RYR2: variants seen among roughly 807,000 people sequenced by gnomAD.
RYR2 encodes the protein ryanodine receptor 2, also known as cardiac muscle ryanodine receptor-calcium release channel.
In RYR2, 227 loss-of-function variants were observed where a neutral mutation model predicts 601.1. The observed-to-expected ratio is 0.38, with a 90% CI of 0.34 to 0.42. The LOEUF (loss-of-function observed/expected upper bound fraction) is 0.42, where lower values mean the gene tolerates loss of function less well. RYR2 is among the 10% of genes least tolerant of loss of function. The pLI is 1.00. For synonymous variants in RYR2, 2,223 were observed against 2,175.1 expected (o/e 1.02, Z -0.61); for missense variants, 4,646 against 6,156.5 (o/e 0.75, Z 8.21).
Position 237,623,828 on chromosome 1 carries a change from G to T in RYR2, c.5980G>T (p.Asp1994Tyr), listed in dbSNP as rs1679358579. 6.2e-7 allele frequency: 1 copy of T among 1,613,280 alleles called. No individual in the cohort carries two copies. Among genetic ancestry groups the T allele is most frequent in the Non-Finnish European group, 8.5e-7 (1 of 1,179,362 alleles). Residue 1994 changes from aspartate to tyrosine, a missense_variant, in exon 39 of 105, where the codon GAC (aspartate) becomes TAC (tyrosine). Asp to Tyr is a radical substitution (Grantham distance 160). Around this residue, in one of 17 missense-constraint regions of RYR2, gnomAD observed 170 missense variants for 184.5 expected, o/e 0.92. Coordinates refer to ENST00000366574, the MANE Select transcript of RYR2 (RefSeq NM_001035.3). The part of the protein sequence containing the change: ...SECPCPEEIR[D>Y]QLLDFHEDLM... ...ATGTCCATGTCCAGAAGAAATTCGT[G>T]ACCAACTATTGGATTTCCATGAAGA...
At chr1:237,337,382 A>T (rs1697346340) in intron 3 of RYR2, among the ~76,000 whole-genome samples, 1 of 152,234 alleles carries the variant, frequency 6.6e-6, no homozygotes, top group African/African-American at 2.4e-5. Context: ...TCAAACACTG[A>T]AGCTCCAATT....
intron 63 of RYR2, among the ~76,000 whole-genome samples, chr1:237,690,295 C>T (rs184521490): frequency 1.1e-3 from 161 of 152,234 alleles, no homozygotes; most frequent in Non-Finnish European, 1.9e-3. Flanking sequence ...ATTTTTCTAA[C>T]TTAACAGCTG....
rs541604453 is a variant in RYR2, at chr1:237,530,346, C to T, written c.2823-81C>T. Reference sequence around the variant, plus strand: ...AAAAATTGTGCTTTCAAGGTTGTATCTCATTGCTACTGCTGCTGTCTTGGG... The same window carrying T: ...AAAAATTGTGCTTTCAAGGTTGTATTTCATTGCTACTGCTGCTGTCTTGGG... On this transcript the variant is annotated intron_variant, in intron 24 of 104. Coordinates refer to ENST00000366574, the MANE Select transcript of RYR2 (RefSeq NM_001035.3). 4.0e-6 allele frequency: 4 copies of T among 995,420 alleles called. No homozygotes were observed. The South Asian group carries it at 4.3e-5, about 11-fold the overall frequency. 61.7% of individuals were successfully genotyped at this position (995,420 alleles called of 1,614,324 possible). A position where few individuals can be genotyped will look rare whatever the true frequency, so the allele number is the denominator to read the frequency against.
At chr1:237,470,738 T>G (rs1033880952) in intron 17 of RYR2, among the ~76,000 whole-genome samples, 1 of 152,112 alleles carries the variant, frequency 6.6e-6, no homozygotes, top group African/African-American at 2.4e-5. Context: ...TTCATTGTCT[T>G]GCACCAAGAA....
intron 100 of RYR2, among the ~76,000 whole-genome samples, chr1:237,812,630 G>A (rs1273603778): frequency 1.3e-5 from 2 of 152,134 alleles, no homozygotes; most frequent in Non-Finnish European, 2.9e-5. Flanking sequence ...TATTGATACG[G>A]ACATAGATCA....
chr1:237,609,701 C>T (rs12119719), intron 35 of RYR2, among the ~76,000 whole-genome samples: 25,746 of 152,016 alleles, frequency 0.17, 2,977 homozygotes, highest in East Asian at 0.47. Context: ...CAATGATGCC[C>T]ATTCTGACAA....
At chr1:237,786,379 T>C (rs1657569489) in intron 91 of RYR2, among the ~76,000 whole-genome samples, 1 of 152,242 alleles carries the variant, frequency 6.6e-6, no homozygotes, top group South Asian at 2.1e-4. Flanking sequence ...AAATCACTCA[T>C]GTCTTTCTGT....
At chr1:237,395,797 C>T (rs953539231) in intron 10 of RYR2, among the ~76,000 whole-genome samples, 10 of 152,038 alleles carry the variant, frequency 6.6e-5, no homozygotes, top group Non-Finnish European at 1.0e-4. Context: ...GCGCCCTCCT[C>T]GATGTCCCAA....
At chr1:237,473,904 C>T (rs1195618986) in intron 17 of RYR2, among the ~76,000 whole-genome samples, 1 of 152,076 alleles carries the variant, frequency 6.6e-6, no homozygotes, top group Non-Finnish European at 1.5e-5. Flanking sequence ...TTATTACAAA[C>T]AGTAGTATCT....
chr1:237,758,100 G>A (rs1693108286), intron 82 of RYR2, among the ~76,000 whole-genome samples: 1 of 152,084 alleles, frequency 6.6e-6, no homozygotes, highest in Non-Finnish European at 1.5e-5. Context: ...CCTGGCAGGG[G>A]TAACCAGCTC....
intron 67 of RYR2, 88 bp downstream of exon 67, chr1:237,705,431 C>T: frequency 9.2e-7 from 1 of 1,083,322 alleles, no homozygotes; most frequent in East Asian, 2.6e-5. Context: ...TTAATGAGCT[C>T]TTTCAGTTTA....
intron 2 of RYR2, among the ~76,000 whole-genome samples, chr1:237,300,763 T>C (rs2149452088): frequency 6.6e-6 from 1 of 152,262 alleles, no homozygotes; most frequent in South Asian, 2.1e-4. Context: ...ACCGGTGACC[T>C]TTCCACATTT....
At chr1:237,123,233 A>T (rs920854848) in intron 1 of RYR2, among the ~76,000 whole-genome samples, 2 of 152,144 alleles carry the variant, frequency 1.3e-5, no homozygotes. Flanking sequence ...AACAATACTT[A>T]CCCTAAGATG....
chr1:237,122,115 G>C lies in RYR2; in HGVS notation c.48+79546G>C, dbSNP rs531515998. ...GCTTATAAAATTTGTGGAAAATGTAGAGTTACTTAAATGTTAGTTAGCAGA... is the reference window on the plus strand; with the variant it reads ...GCTTATAAAATTTGTGGAAAATGTACAGTTACTTAAATGTTAGTTAGCAGA... On this transcript the variant is annotated intron_variant, in intron 1 of 104. Coordinates refer to ENST00000366574, the MANE Select transcript of RYR2 (RefSeq NM_001035.3). Among the ~76,000 whole-genome samples the C allele has an allele frequency of 2.0e-5, 3 of 152,322 alleles. No individual in the cohort carries two copies. In the East Asian group the frequency reaches 5.8e-4, roughly 29 times the overall value.
chr1:237,612,678 C>A (rs1678017514), intron 36 of RYR2, among the ~76,000 whole-genome samples: 1 of 152,018 alleles, frequency 6.6e-6, no homozygotes, highest in South Asian at 2.1e-4. Context: ...ACAACCAAAA[C>A]AAACACAACA....
At chr1:237,741,751 G>A (rs940817697) in intron 79 of RYR2, among the ~76,000 whole-genome samples, 6 of 151,950 alleles carry the variant, frequency 3.9e-5, no homozygotes, top group Admixed American at 6.6e-5. Flanking sequence ...ACAGGTGCCC[G>A]CCACCATGCC....
chr1:237,691,150 C>T (rs1686911269), intron 63 of RYR2, among the ~76,000 whole-genome samples: 1 of 152,146 alleles, frequency 6.6e-6, no homozygotes, highest in Non-Finnish European at 1.5e-5. Context: ...CCTGTACTGT[C>T]TTGTATTTCC....
In RYR2 at chr1:237,152,037, T is replaced by C. The variant is rs192162523; in HGVS notation, c.48+109468T>C. ...CCCCACCGACAGGCCCCAGTGTGTG[T>C]TGTTCCCCTCCCTGCGTCCATGTGT... is the stretch of plus-strand genomic sequence containing the variant. On this transcript the variant is annotated intron_variant, in intron 1 of 104. Coordinates refer to ENST00000366574, the MANE Select transcript of RYR2 (RefSeq NM_001035.3). Among the ~76,000 whole-genome samples the C allele has an allele frequency of 3.2e-3, 484 of 152,092 alleles. 1 individual carries two copies. Among genetic ancestry groups the C allele is most frequent in the African/African-American group, 0.011 (469 of 41,498 alleles).
At chr1:237,698,175 C>T (rs1477334920) in intron 63 of RYR2, among the ~76,000 whole-genome samples, 1 of 147,632 alleles carries the variant, frequency 6.8e-6, no homozygotes, top group East Asian at 2.0e-4. Context: ...TCATGTCAAA[C>T]TATATTGTAA....
Sources: gnomAD v4.1 joint callset for allele counts (sites outside exome capture counted in the v4.1 genomes callset) on GRCh38, gnomAD v4.1.1 for gene constraint, gnomAD v4.1.1 regional missense constraint, MANE v1.5 for transcripts, NCBI Gene and HGNC (gene_info 2026-07-23, HGNC 2026-07-21) for gene names.